FNIP1: variants seen among roughly 807,000 people sequenced by gnomAD.
FNIP1 encodes the protein folliculin interacting protein 1.
Under a neutral mutation model 124.5 loss-of-function variants are expected in FNIP1, and 40 were observed. The ratio of observed to expected loss-of-function variants is 0.32; its 90% CI spans 0.25 to 0.42. The LOEUF (loss-of-function observed/expected upper bound fraction) is 0.42. Among genes scored for constraint, FNIP1 ranks in the 10% least tolerant of loss-of-function variants. The pLI, the probability that FNIP1 is intolerant of heterozygous loss-of-function variation, is 1.00. For missense variants in FNIP1, 1,176 were observed against 1,403.7 expected, an observed-to-expected ratio of 0.84 and a Z score of 2.59; for synonymous variants, 472 against 470.6, an observed-to-expected ratio of 1.00 and a Z score of -0.04.
intron 5 of FNIP1, among the ~76,000 whole-genome samples, chr5:131,717,242 G>GT (rs1472454612): frequency 1.3e-5 from 2 of 151,794 alleles, no homozygotes; most frequent in East Asian, 1.9e-4. Flanking sequence ...GTGGTGTTTG[G>GT]TTTTTTGTCC....
intron 1 of FNIP1, among the ~76,000 whole-genome samples, chr5:131,747,818 A>G (rs1013068102): frequency 2.6e-5 from 4 of 152,192 alleles, no homozygotes; most frequent in African/African-American, 7.2e-5. Flanking sequence ...TCTGCTATTT[A>G]AAAAATGACA....
At chr5:131,650,838 C>T (rs1481434867) in intron 16 of FNIP1, among the ~76,000 whole-genome samples, 1 of 152,050 alleles carries the variant, frequency 6.6e-6, no homozygotes, top group Non-Finnish European at 1.5e-5. Context: ...AAAGAAAGAA[C>T]CTTGAAAGTT....
chr5:131,771,094 A>G (rs1033964329), intron 1 of FNIP1, among the ~76,000 whole-genome samples: 5 of 152,040 alleles, frequency 3.3e-5, no homozygotes, highest in South Asian at 2.1e-4. Context: ...CCCACTCCCC[A>G]CAACAGTCCC....
chr5:131,657,791 G>A (rs1038983568), intron 15 of FNIP1, among the ~76,000 whole-genome samples: 1 of 137,126 alleles, frequency 7.3e-6, no homozygotes, highest in African/African-American at 2.8e-5. Flanking sequence ...TACGGATCTT[G>A]CAACTTTGGG....
intron 1 of FNIP1, among the ~76,000 whole-genome samples, chr5:131,756,088 A>G (rs1771042978): frequency 6.6e-6 from 1 of 152,172 alleles, no homozygotes; most frequent in Non-Finnish European, 1.5e-5. Context: ...ACCAAAATTT[A>G]TGAAGAGTAA....
intron 1 of FNIP1, among the ~76,000 whole-genome samples, chr5:131,790,120 C>G (rs933643480): frequency 6.6e-5 from 10 of 152,158 alleles, no homozygotes; most frequent in African/African-American, 2.4e-4. Context: ...TCAGCATATG[C>G]TCAGGCACTG....
intron 3 of FNIP1, among the ~76,000 whole-genome samples, chr5:131,721,895 T>C (rs928243834): frequency 6.6e-6 from 1 of 152,376 alleles, no homozygotes; most frequent in African/African-American, 2.4e-5. Context: ...TAGTTAAAGA[T>C]TGAGCTTATC....
At chr5:131,692,868 T>G (rs1290612494) in intron 11 of FNIP1, among the ~76,000 whole-genome samples, 2 of 151,576 alleles carry the variant, frequency 1.3e-5, no homozygotes. Context: ...ATTAGCCAAG[T>G]GTGGAGGCAC....
chr5:131,698,125 G>A (rs1046036176), intron 11 of FNIP1, among the ~76,000 whole-genome samples: 4 of 151,926 alleles, frequency 2.6e-5, no homozygotes, highest in African/African-American at 9.7e-5. Context: ...TTTTATACTA[G>A]AAAACTAGGG....
intron 15 of FNIP1, among the ~76,000 whole-genome samples, chr5:131,658,200 CA>C (rs1767268471): frequency 6.6e-6 from 1 of 152,148 alleles, no homozygotes; most frequent in Non-Finnish European, 1.5e-5. Flanking sequence ...GGCCAAAAAA[CA>C]AATTGACGTT....
chr5:131,675,614 A>G lies in FNIP1; in HGVS notation c.1519+2089T>C, dbSNP rs542957575. Among the ~76,000 whole-genome samples, 153 of 152,364 alleles carry G rather than the reference A, an allele frequency of 1.0e-3. 1 individual carries two copies. The highest frequency in any genetic ancestry group is 3.2e-4 in the Non-Finnish European group (22 of 68,036). On this transcript the variant is annotated intron_variant, in intron 13 of 17. Transcript: ENST00000510461. ...TTGAATGAATGAGATCAAAGAAAGTATATACTGCATGATTCCATTCATATA... is the reference window on the plus strand; with the variant it reads ...TTGAATGAATGAGATCAAAGAAAGTGTATACTGCATGATTCCATTCATATA...
intron 6 of FNIP1, among the ~76,000 whole-genome samples, chr5:131,715,306 C>A (rs952265276): frequency 6.6e-6 from 1 of 152,044 alleles, no homozygotes; most frequent in African/African-American, 2.4e-5. Context: ...GCCAACACAT[C>A]AAAACCCTGT....
In FNIP1 at chr5:131,710,670, C is replaced by A. The variant is rs778607501; in HGVS notation, c.623-9G>T. 11 of 1,611,918 alleles carry A rather than the reference C, an allele frequency of 6.8e-6. No individual in the cohort carries two copies. Among genetic ancestry groups the A allele is most frequent in the Non-Finnish European group, 8.5e-7 (1 of 1,179,284 alleles). ...GCAGAACTGTGAAAGACCTACATGGCAAAAACGTAAAATACACATGAAAGA... is the reference window on the plus strand; with the variant it reads ...GCAGAACTGTGAAAGACCTACATGGAAAAAACGTAAAATACACATGAAAGA... On this transcript the variant is annotated splice_polypyrimidine_tract_variant and intron_variant, in intron 6 of 17. Transcript: ENST00000510461.
intron 11 of FNIP1, among the ~76,000 whole-genome samples, chr5:131,695,205 C>G (rs889671800): frequency 6.6e-6 from 1 of 152,098 alleles, no homozygotes; most frequent in Admixed American, 6.6e-5. Context: ...TATGAAAAAA[C>G]TGCTATTTGC....
intron 1 of FNIP1, chr5:131,796,169 G>A (rs922741592): frequency 3.3e-5 from 5 of 152,200 alleles, no homozygotes; most frequent in Non-Finnish European, 7.3e-5. Context: ...CCAATTCCAA[G>A]GCCAGATTTC....
In FNIP1 at chr5:131,755,646, A is replaced by C. The variant is rs141437675; in HGVS notation, c.93-10956T>G. Among the ~76,000 whole-genome samples, 647 of 152,318 alleles carry C rather than the reference A, an allele frequency of 4.2e-3. 8 individuals are homozygous for C. Among genetic ancestry groups the C allele is most frequent in the African/African-American group, 0.015 (613 of 41,558 alleles). On this transcript the variant is annotated intron_variant, in intron 1 of 17. Coordinates refer to ENST00000510461, the MANE Select transcript of FNIP1 (RefSeq NM_133372.3). ...CAGAGAGAAGAAAAGCAGAGAAGCC[A>C]GGGAAGATCAGTAAAGACAGACTAC... is the stretch of plus-strand genomic sequence containing the variant.
At chr5:131,650,608 G>T (rs535654360) in intron 16 of FNIP1, among the ~76,000 whole-genome samples, 1 of 152,186 alleles carries the variant, frequency 6.6e-6, no homozygotes, top group East Asian at 1.9e-4. Context: ...GAAGTCTTTT[G>T]TATTTTTCTT....
rs144014246 is a variant in FNIP1, at chr5:131,791,940, C to T, written c.92+4890G>A. Among the ~76,000 whole-genome samples the T allele has an allele frequency of 3.5e-3, 535 of 151,734 alleles. 2 individuals are homozygous for T. Among genetic ancestry groups the T allele is most frequent in the African/African-American group, 0.01 (431 of 41,352 alleles). On this transcript the variant is annotated intron_variant, in intron 1 of 17. Coordinates refer to ENST00000510461, the MANE Select transcript of FNIP1 (RefSeq NM_133372.3). ...CCATACTATGTAGAATGGGCAAAAG[C>T]CATCCTTTAATGAGTCTGGGCCCAA...
Position 131,658,785 on chromosome 5 carries a change from T to C in FNIP1, c.3109-6786A>G, listed in dbSNP as rs116030085. On this transcript the variant is annotated intron_variant, in intron 15 of 17. Transcript: ENST00000510461. ...TGCATTTCACGATATTTGGAATGAC[T>C]ATTAGAAAAAAGAACAATGTACAAT... Among the ~76,000 whole-genome samples, 778 of 151,392 alleles carry C rather than the reference T, an allele frequency of 5.1e-3. 4 individuals are homozygous for C. Among genetic ancestry groups the C allele is most frequent in the African/African-American group, 0.017 (713 of 41,304 alleles).
Sources: gnomAD v4.1 joint callset for allele counts (sites outside exome capture counted in the v4.1 genomes callset) on GRCh38, gnomAD v4.1.1 for gene constraint, MANE v1.5 for transcripts, NCBI Gene and HGNC (gene_info 2026-07-23, HGNC 2026-07-21) for gene names.